The following RAD51B variants were observed in gnomAD, a reference collection of about 807,000 sequenced individuals.
RAD51B encodes the protein RAD51 paralog B, also known as DNA repair protein RAD51 homolog 2.
RAD51B carries 38 observed loss-of-function variants against 42.2 expected under a neutral mutation model. The ratio of observed to expected loss-of-function variants is 0.90; its 90% CI spans 0.70 to 1.18. The LOEUF (loss-of-function observed/expected upper bound fraction) is 1.18. RAD51B is among the 50% of genes most tolerant of loss of function. The pLI is 0.00. For missense variants in RAD51B, 373 were observed against 400.7 expected (o/e 0.93, Z 0.59); for synonymous variants, 154 against 145.2 (o/e 1.06, Z -0.43).
chr14:68,408,867 C>T (rs970956037), intron 8 of RAD51B, among the ~76,000 whole-genome samples: 1 of 152,110 alleles, frequency 6.6e-6, no homozygotes, highest in African/African-American at 2.4e-5. Flanking sequence ...CAGAGACTGC[C>T]CCCTTGAGAT....
At chr14:68,410,307 A>G (rs1024851984) in intron 8 of RAD51B, among the ~76,000 whole-genome samples, 2 of 151,638 alleles carry the variant, frequency 1.3e-5, no homozygotes, top group Non-Finnish European at 2.9e-5. Context: ...TCTGCCCTGG[A>G]AAAAAAAAGA....
chr14:68,640,355 C>T (rs1325925422), intron 10 of RAD51B, among the ~76,000 whole-genome samples: 1 of 152,190 alleles, frequency 6.6e-6, no homozygotes, highest in African/African-American at 2.4e-5. Context: ...GCCTTGGTTT[C>T]CTCATCTATT....
intron 11 of RAD51B, among the ~76,000 whole-genome samples, chr14:68,671,106 C>G (rs1166503087): frequency 6.6e-6 from 1 of 152,180 alleles, no homozygotes; most frequent in African/African-American, 2.4e-5. Context: ...CAAAATGAAA[C>G]TCCCTGCCAA....
intron 8 of RAD51B, among the ~76,000 whole-genome samples, chr14:68,302,253 A>G (rs1010711727): frequency 3.3e-5 from 5 of 152,124 alleles, no homozygotes; most frequent in African/African-American, 1.2e-4. Context: ...TGGGAAGCTC[A>G]CAATCAGGGG....
intron 11 of RAD51B, among the ~76,000 whole-genome samples, chr14:68,667,400 C>T (rs1893053721): frequency 7.3e-6 from 1 of 137,710 alleles, no homozygotes; most frequent in South Asian, 2.3e-4. Context: ...TTGGCAGTTT[C>T]TCTGCTTTGC....
rs1295604856 is a variant in RAD51B at position 67,877,375 on chromosome 14, A to G, written c.453-8494A>G. Among the ~76,000 whole-genome samples the G allele has an allele frequency of 2.0e-5, 3 of 152,196 alleles. No individual in the cohort carries two copies. In the East Asian group the frequency reaches 5.8e-4, roughly 29 times the overall value. ...GGCTAATAAGATAGCTGAGAGGTGA[A>G]CTCATATCCTCTTTCCACTGAACTG... On this transcript the variant is annotated intron_variant, in intron 5 of 10. Transcript: ENST00000471583.
At chr14:68,614,461 C>T (rs181468959), downstream of RAD51B, among the ~76,000 whole-genome samples, 18 of 152,136 alleles carry the variant, frequency 1.2e-4, no homozygotes, top group East Asian at 2.7e-3. Context: ...TATCTAGTTC[C>T]GAATATTTTC....
intron 7 of RAD51B, among the ~76,000 whole-genome samples, chr14:68,286,330 G>A (rs777904003): frequency 5.3e-5 from 8 of 152,186 alleles, no homozygotes; most frequent in East Asian, 1.9e-4. Context: ...CAGTGATGGC[G>A]TTTGTCAGAT....
intron 10 of RAD51B, among the ~76,000 whole-genome samples, chr14:68,635,048 C>A (rs139960521): frequency 1.3e-3 from 200 of 152,288 alleles, no homozygotes; most frequent in Middle Eastern, 3.4e-3. Context: ...CATATGGTTT[C>A]CTTATCTTCC....
At chr14:67,914,899 G>A (rs1435786297) in intron 7 of RAD51B, among the ~76,000 whole-genome samples, 2 of 152,196 alleles carry the variant, frequency 1.3e-5, no homozygotes, top group Admixed American at 6.5e-5. Context: ...GTAAACAAGT[G>A]TTCTTTTTGT....
intron 7 of RAD51B, among the ~76,000 whole-genome samples, chr14:68,036,639 AT>A (rs1280186352): frequency 6.6e-6 from 1 of 152,006 alleles, no homozygotes; most frequent in East Asian, 1.9e-4. Flanking sequence ...GGAAATTATT[AT>A]TTTTTTCATT....
chr14:67,828,102 A>T (rs1283267833), intron 3 of RAD51B, among the ~76,000 whole-genome samples: 2 of 70,098 alleles, frequency 2.9e-5, no homozygotes, highest in African/African-American at 1.1e-4. Context: ...TTACACTCCC[A>T]CCAACAGTGT....
chr14:68,010,177 CTT>C (rs1345629335), intron 7 of RAD51B, among the ~76,000 whole-genome samples: 1 of 151,816 alleles, frequency 6.6e-6, no homozygotes, highest in African/African-American at 2.4e-5. Context: ...ATTCAAATCT[CTT>C]TATATCTAAT....
intron 4 of RAD51B, among the ~76,000 whole-genome samples, chr14:67,856,277 C>T (rs2041997956): frequency 6.6e-6 from 1 of 152,014 alleles, no homozygotes; most frequent in South Asian, 2.1e-4. Context: ...ATAAACTCTT[C>T]CACATGTTGG....
chr14:68,069,001 TTGC>T (rs34316302), intron 7 of RAD51B, among the ~76,000 whole-genome samples: 25,456 of 152,120 alleles, frequency 0.17, 2,289 homozygotes, highest in Middle Eastern at 0.34. Flanking sequence ...GGTGTTCTTG[TTGC>T]TTTTAGGAAA....
rs371497973 is a variant in RAD51B, at chr14:68,213,817, G to A, written c.757-78067G>A. On this transcript the variant is annotated intron_variant, in intron 7 of 10. Transcript: ENST00000471583. ...CTAAGAGGAAAAACGGTGAACTAAT[G>A]TCAGGCTGGAAAAGAGAAAAACCAA... is the stretch of plus-strand genomic sequence containing the variant. 1.6e-4 allele frequency among the ~76,000 whole-genome samples: 25 copies of A among 152,268 alleles called. 1 individual carries two copies. In the South Asian group the frequency reaches 5.2e-3, roughly 32 times the overall value.
chr14:68,437,587 C>T (rs945442465), intron 9 of RAD51B, among the ~76,000 whole-genome samples: 3 of 152,154 alleles, frequency 2.0e-5, no homozygotes, highest in Non-Finnish European at 4.4e-5. Flanking sequence ...CTCCCCTTTC[C>T]CTCCATTCCT....
rs559060861 is a variant in RAD51B, at chr14:67,901,942, G to A, written c.756+14738G>A. Among the ~76,000 whole-genome samples, 138 of 152,222 alleles carry A rather than the reference G, an allele frequency of 9.1e-4. 1 individual carries two copies. Among genetic ancestry groups the A allele is most frequent in the African/African-American group, 3.3e-3 (136 of 41,526 alleles). ...TTGGATGATGAGAAATTACTTAATT[G>A]GTACAATGTATGTTATTCCAGTGAT... On this transcript the variant is annotated intron_variant, in intron 7 of 10. Transcript: ENST00000471583.
chr14:68,160,611 A>T (rs2078617831), intron 7 of RAD51B, among the ~76,000 whole-genome samples: 1 of 152,216 alleles, frequency 6.6e-6, no homozygotes, highest in African/African-American at 2.4e-5. Context: ...TTGATTTTTT[A>T]AAATATTGCA....
Sources: allele counts gnomAD v4.1 joint callset (sites outside exome capture counted in the v4.1 genomes callset), GRCh38; gene constraint gnomAD v4.1.1; transcripts MANE v1.5; gene names NCBI Gene and HGNC (gene_info 2026-07-23, HGNC 2026-07-21).